BCAR3: variants seen among roughly 807,000 people sequenced by gnomAD.
The protein encoded by BCAR3 is BCAR3 adaptor protein, NSP family member, also known as breast cancer anti-estrogen resistance protein 3.
A neutral mutation model predicts 80.1 loss-of-function variants in BCAR3; 37 were observed. The observed-to-expected ratio is 0.46, with a 90% confidence interval of 0.36 to 0.61. The LOEUF is 0.61. BCAR3 is among the 20% of genes least tolerant of loss of function. BCAR3 has a pLI of 0.00. For missense variants in BCAR3, 978 were observed against 1,068.2 expected (o/e 0.92, Z 1.18); for synonymous variants, 389 against 418.9 (o/e 0.93, Z 0.87).
At chr1:93,576,535 C>G (rs2101818594) in intron 7 of BCAR3, among the ~76,000 whole-genome samples, 1 of 152,368 alleles carries the variant, frequency 6.6e-6, no homozygotes, top group East Asian at 1.9e-4. Flanking sequence ...AGAGCAGAAT[C>G]TCATCCAAGA....
rs149520901 is a variant in BCAR3 at position 93,807,314 on chromosome 1, T to A, written c.-63+38253A>T. On this transcript the variant is annotated intron_variant, in intron 2 of 13. Transcript: ENST00000370244. ...GGATCACTGAGGGGGAAAAAATTAT[T>A]TAACATGCCAAAGCACAGGGAAATC... Among the ~76,000 whole-genome samples, 515 of 152,244 alleles carry A rather than the reference T, an allele frequency of 3.4e-3. 2 individuals are homozygous for A. The highest frequency in any genetic ancestry group is 0.012 in the African/African-American group (500 of 41,528).
intron 3 of BCAR3, among the ~76,000 whole-genome samples, chr1:93,696,848 A>C (rs568450968): frequency 7.6e-4 from 115 of 152,278 alleles, no homozygotes; most frequent in African/African-American, 2.4e-3. Context: ...CTGGGTTGGC[A>C]CTTCTCAAGC....
At chr1:93,817,601 T>C (rs952552680) in intron 2 of BCAR3, among the ~76,000 whole-genome samples, 23 of 152,156 alleles carry the variant, frequency 1.5e-4, no homozygotes, top group Admixed American at 7.2e-4. Flanking sequence ...CCCTTAGCCA[T>C]TTGGTTCTCT....
intron 2 of BCAR3, among the ~76,000 whole-genome samples, chr1:93,709,492 G>C (rs977781092): frequency 2.0e-5 from 3 of 152,210 alleles, no homozygotes; most frequent in African/African-American, 7.2e-5. Context: ...AGTGGGTCTT[G>C]ATCTGTACAG....
intron 2 of BCAR3, among the ~76,000 whole-genome samples, chr1:93,764,720 C>G (rs61781054): frequency 1.3e-5 from 2 of 152,068 alleles, no homozygotes; most frequent in African/African-American, 4.8e-5. Context: ...GCCTCTCACC[C>G]GGGCTTCCAC....
chr1:93,694,782 C>T (rs927896930), intron 3 of BCAR3, among the ~76,000 whole-genome samples: 3 of 152,238 alleles, frequency 2.0e-5, no homozygotes, highest in Non-Finnish European at 4.4e-5. Flanking sequence ...CCCCAAACCA[C>T]ACTCCTCCTG....
chr1:93,829,179 T>C (rs1055279339), intron 2 of BCAR3, among the ~76,000 whole-genome samples: 2 of 152,104 alleles, frequency 1.3e-5, no homozygotes, highest in African/African-American at 2.4e-5. Flanking sequence ...CTGATTTACT[T>C]AGGGCTCAGG....
intron 2 of BCAR3, among the ~76,000 whole-genome samples, chr1:93,714,002 A>G (rs1052602462): frequency 6.6e-6 from 1 of 152,112 alleles, no homozygotes; most frequent in African/African-American, 2.4e-5. Flanking sequence ...GTTTTTTTTG[A>G]GATGGAGTCT....
intron 2 of BCAR3, among the ~76,000 whole-genome samples, chr1:93,714,742 T>A (rs919120050): frequency 7.2e-5 from 11 of 152,090 alleles, no homozygotes; most frequent in African/African-American, 2.7e-4. Context: ...TTCATATAGT[T>A]CAAAGGTTAT....
At chr1:93,837,649 C>T (rs1231200617) in intron 2 of BCAR3, among the ~76,000 whole-genome samples, 1 of 152,220 alleles carries the variant, frequency 6.6e-6, no homozygotes. Context: ...AGATTCCTAG[C>T]CAATCAGGCT....
At chr1:93,839,629 A>AC (rs1482231784) in intron 2 of BCAR3, among the ~76,000 whole-genome samples, 9 of 152,214 alleles carry the variant, frequency 5.9e-5, no homozygotes, top group Non-Finnish European at 1.3e-4. Flanking sequence ...ACATTCTGTT[A>AC]GACACCATTA....
chr1:93,807,453 G>A (rs1240096807), intron 2 of BCAR3, among the ~76,000 whole-genome samples: 1 of 152,156 alleles, frequency 6.6e-6, no homozygotes. Context: ...GGAAATGAAT[G>A]AGCACAAAGA....
chr1:93,618,291 C>T (rs1675200840), intron 3 of BCAR3, among the ~76,000 whole-genome samples: 1 of 152,238 alleles, frequency 6.6e-6, no homozygotes, highest in Non-Finnish European at 1.5e-5. Flanking sequence ...ACAGACAGTA[C>T]ATTTAGGAGT....
At chr1:93,768,690 C>T (rs1371141901) in intron 2 of BCAR3, among the ~76,000 whole-genome samples, 3 of 152,170 alleles carry the variant, frequency 2.0e-5, no homozygotes, top group African/African-American at 7.2e-5. Context: ...GCCATGCAGC[C>T]AGCCCAGGGC....
rs969923904 is a variant in BCAR3, at chr1:93,561,779, T to C, written c.*462A>G. The C allele has an allele frequency of 2.0e-5, 3 of 152,908 alleles. No individual in the cohort carries two copies. Among genetic ancestry groups the C allele is most frequent in the African/African-American group, 7.2e-5 (3 of 41,468 alleles). The allele number at this position is 152,908 out of a possible 1,614,324, so 9.5% of individuals were successfully genotyped here. ...ATGAGTTGTTTAATATGAAAGAGAC[T>C]GGATACAACTGTTTCACAAAAAGAT... On this transcript the variant is annotated 3_prime_UTR_variant, in exon 12 of 12. Transcript: ENST00000260502.
chr1:93,786,192 CAAAAAAAAA>C lies in BCAR3; in HGVS notation c.-63+59366_-63+59374del, dbSNP rs61644309. 4.3e-3 allele frequency among the ~76,000 whole-genome samples: 99 copies of C among 23,252 alleles called. 10 individuals are homozygous for C. Among genetic ancestry groups the C allele is most frequent in the African/African-American group, 0.017 (89 of 5,086 alleles). The allele number at this position is 23,252 out of a possible 152,430, so 15.3% of individuals were successfully genotyped here. A position where few individuals can be genotyped will look rare whatever the true frequency, so the allele number is the denominator to read the frequency against. Reference sequence around the variant, plus strand: ...TGGGCGTCAGAGCGAGACTCCGTCTCAAAAAAAAAAAAAAAAAAAAAAAAAAAGTGCCAT... The same window carrying C: ...TGGGCGTCAGAGCGAGACTCCGTCTCAAAAAAAAAAAAAAAAAAGTGCCAT... On this transcript the variant is annotated intron_variant, in intron 2 of 13. Coordinates refer to the BCAR3 transcript ENST00000370244.
chr1:93,689,347 C>T (rs1649087379), intron 3 of BCAR3, among the ~76,000 whole-genome samples: 1 of 151,966 alleles, frequency 6.6e-6, no homozygotes, highest in African/African-American at 2.4e-5. Flanking sequence ...TTAGTGCTCA[C>T]TTTGGCAGCA....
rs1288131558 is a variant in BCAR3 at position 93,562,226 on chromosome 1, T to C, written c.*15A>G. The C allele has an allele frequency of 6.2e-7, 1 of 1,603,768 alleles. No individual in the cohort carries two copies. The highest frequency in any genetic ancestry group is 8.5e-7 in the Non-Finnish European group (1 of 1,174,318). On this transcript the variant is annotated 3_prime_UTR_variant, in exon 12 of 12. Coordinates refer to ENST00000260502, the MANE Select transcript of BCAR3 (RefSeq NM_003567.4). ...GAAACTTGAAAAGATATTCTAAAGG[T>C]TCTCTGGAGAGTTATCAAAGCTCTG...
chr1:93,842,113 T>C (rs1398744326), intron 2 of BCAR3, among the ~76,000 whole-genome samples: 4 of 151,922 alleles, frequency 2.6e-5, no homozygotes, highest in Non-Finnish European at 4.4e-5. Flanking sequence ...AAGACCTTTT[T>C]ATTTTACATC....
Sources: allele counts gnomAD v4.1 joint callset (sites outside exome capture counted in the v4.1 genomes callset), GRCh38; gene constraint gnomAD v4.1.1; transcripts MANE v1.5; gene names NCBI Gene and HGNC (gene_info 2026-07-23, HGNC 2026-07-21).